The following PTPRD variants were observed in gnomAD, a reference collection of about 807,000 sequenced individuals.
PTPRD encodes the protein protein tyrosine phosphatase receptor type D.
A neutral mutation model predicts 214.5 loss-of-function variants in PTPRD; 34 were observed. That is an observed-to-expected ratio of 0.16 (90% CI 0.12 to 0.21). The LOEUF (loss-of-function observed/expected upper bound fraction) is 0.21, where lower values mean the gene tolerates loss of function less well. PTPRD is among the 10% of genes least tolerant of loss of function. PTPRD has a pLI of 1.00. For synonymous variants in PTPRD, 1,128 were observed against 845.7 expected (o/e 1.33, Z -5.79); for missense variants, 2,545 against 2,398.7 (o/e 1.06, Z -1.27).
At chr9:9,046,563 T>C (rs1164211118) in intron 10 of PTPRD, among the ~76,000 whole-genome samples, 3 of 152,324 alleles carry the variant, frequency 2.0e-5, no homozygotes, top group East Asian at 1.9e-4. Context: ...ATTCCTTTTA[T>C]TGATAATTTT....
chr9:8,754,039 G>T (rs1396260232), intron 11 of PTPRD, among the ~76,000 whole-genome samples: 4 of 152,178 alleles, frequency 2.6e-5, no homozygotes, highest in African/African-American at 9.7e-5. Context: ...CAGCTAGTCA[G>T]GAGGCTGAAG....
chr9:9,897,432 G>A (rs1457257259), intron 5 of PTPRD, among the ~76,000 whole-genome samples: 1 of 152,002 alleles, frequency 6.6e-6, no homozygotes, highest in Non-Finnish European at 1.5e-5. Flanking sequence ...TTGAGGGAAA[G>A]TTGAACTCTA....
chr9:9,491,841 GA>G (rs1331244021), intron 8 of PTPRD, among the ~76,000 whole-genome samples: 1 of 151,788 alleles, frequency 6.6e-6, no homozygotes, highest in African/African-American at 2.4e-5. Flanking sequence ...CAACTAATTA[GA>G]AAAAGAAGAA....
At chr9:8,907,939 C>A (rs1238594859) in intron 11 of PTPRD, among the ~76,000 whole-genome samples, 1 of 152,000 alleles carries the variant, frequency 6.6e-6, no homozygotes, top group African/African-American at 2.4e-5. Flanking sequence ...ATCAACAGAT[C>A]CAGGAAGCTC....
chr9:9,774,345 G>C (rs1037048965), intron 5 of PTPRD, among the ~76,000 whole-genome samples: 1 of 152,156 alleles, frequency 6.6e-6, no homozygotes, highest in East Asian at 1.9e-4. Context: ...CACATTTTAA[G>C]ATGTATTTTA....
At chr9:8,444,466 G>T (rs1260429232) in intron 34 of PTPRD, among the ~76,000 whole-genome samples, 1 of 151,758 alleles carries the variant, frequency 6.6e-6, no homozygotes, top group Non-Finnish European at 1.5e-5. Context: ...AACTCTATAT[G>T]GCAGATATTT....
chr9:10,257,816 C>T (rs1333357668), intron 3 of PTPRD, among the ~76,000 whole-genome samples: 1 of 152,062 alleles, frequency 6.6e-6, no homozygotes, highest in South Asian at 2.1e-4. Flanking sequence ...TAATACAAGG[C>T]CAACTAAAAT....
intron 14 of PTPRD, among the ~76,000 whole-genome samples, chr9:8,557,797 C>G (rs550688475): frequency 3.6e-5 from 5 of 139,986 alleles, no homozygotes; most frequent in African/African-American, 5.4e-5. Flanking sequence ...CACACACACA[C>G]ACACACACAC....
intron 11 of PTPRD, among the ~76,000 whole-genome samples, chr9:8,904,346 C>G (rs1189305059): frequency 6.6e-6 from 1 of 152,046 alleles, no homozygotes; most frequent in Admixed American, 6.6e-5. Context: ...AATTGTATAG[C>G]TGCTTATTTC....
chr9:10,207,217 T>A (rs965624194), intron 3 of PTPRD, among the ~76,000 whole-genome samples: 1 of 152,018 alleles, frequency 6.6e-6, no homozygotes, highest in Non-Finnish European at 1.5e-5. Flanking sequence ...TTTCCCACTT[T>A]AGATTTGTTT....
At chr9:9,197,391 C>T (rs547606539) in intron 9 of PTPRD, among the ~76,000 whole-genome samples, 78 of 152,288 alleles carry the variant, frequency 5.1e-4, no homozygotes, top group Admixed American at 9.2e-4. Flanking sequence ...CACTCTAACA[C>T]ACCTGTCATC....
chr9:8,599,613 C>CCCCTTTTTTTT (rs2094698008), intron 14 of PTPRD, among the ~76,000 whole-genome samples: 1 of 53,426 alleles, frequency 1.9e-5, no homozygotes, highest in African/African-American at 7.0e-5. Flanking sequence ...CCCGCCCACC[C>CCCCTTTTTTTT]TTTTTTTTTT....
intron 4 of PTPRD, among the ~76,000 whole-genome samples, chr9:10,018,538 CTTTTTTT>C (rs71321214): frequency 1.3e-4 from 9 of 71,124 alleles, no homozygotes; most frequent in South Asian, 1.5e-3. Context: ...AATTACATTT[CTTTTTTT>C]TTTTTTTTTT....
chr9:10,033,310 G>A (rs13297381), intron 4 of PTPRD, among the ~76,000 whole-genome samples: 2 of 151,560 alleles, frequency 1.3e-5, no homozygotes, highest in Non-Finnish European at 2.9e-5. Context: ...GGCATAAAAT[G>A]TATATATAAT....
At chr9:10,434,925 A>G (rs542652464) in intron 2 of PTPRD, among the ~76,000 whole-genome samples, 1 of 151,936 alleles carries the variant, frequency 6.6e-6, no homozygotes, top group East Asian at 1.9e-4. Flanking sequence ...TTTTGGCTTC[A>G]TGCACTGAGT....
At chr9:9,369,731 T>G (rs1459331469) in intron 9 of PTPRD, among the ~76,000 whole-genome samples, 1 of 152,224 alleles carries the variant, frequency 6.6e-6, no homozygotes. Flanking sequence ...TTCTAGGATT[T>G]TTATGGTTTT....
intron 14 of PTPRD, among the ~76,000 whole-genome samples, chr9:8,614,948 A>T (rs1044183295): frequency 6.6e-6 from 1 of 152,106 alleles, no homozygotes; most frequent in Non-Finnish European, 1.5e-5. Flanking sequence ...ACTTTTAAAG[A>T]AAGGAGAGCC....
intron 3 of PTPRD, among the ~76,000 whole-genome samples, chr9:10,339,201 G>A (rs2096896162): frequency 6.6e-6 from 1 of 151,696 alleles, no homozygotes; most frequent in Non-Finnish European, 1.5e-5. Flanking sequence ...TCTAACATTA[G>A]GGCAGAAAAT....
intron 10 of PTPRD, among the ~76,000 whole-genome samples, chr9:9,044,551 G>A (rs2099665077): frequency 1.3e-5 from 2 of 152,122 alleles, no homozygotes; most frequent in Non-Finnish European, 2.9e-5. Context: ...TTCTTCCATG[G>A]CAGGGGCAAG....
Sources: allele counts gnomAD v4.1 joint callset (sites outside exome capture counted in the v4.1 genomes callset), GRCh38; gene constraint gnomAD v4.1.1; transcripts MANE v1.5; gene names NCBI Gene and HGNC (gene_info 2026-07-23, HGNC 2026-07-21).